RSF1: variants seen among roughly 807,000 people sequenced by gnomAD.
RSF1 encodes remodeling and spacing factor 1.
RSF1 carries 13 observed loss-of-function variants against 145.2 expected under a neutral mutation model. The observed-to-expected ratio is 0.09, with a 90% CI of 0.06 to 0.14. The LOEUF is 0.14. Among genes scored for constraint, RSF1 ranks in the 10% least tolerant of loss-of-function variants. RSF1 has a pLI of 1.00. For synonymous variants in RSF1, 577 were observed against 592.6 expected, an observed-to-expected ratio of 0.97 and a Z score of 0.38; for missense variants, 1,517 against 1,718.2, an observed-to-expected ratio of 0.88 and a Z score of 2.07.
At chr11:77,756,534 C>T (rs926340639) in intron 2 of RSF1, among the ~76,000 whole-genome samples, 1 of 151,910 alleles carries the variant, frequency 6.6e-6, no homozygotes, top group Non-Finnish European at 1.5e-5. Context: ...ACTATGTGGC[C>T]GGAACTAGAC....
chr11:77,664,000 T>C lies in RSF1; in HGVS notation c.*2917A>G, dbSNP rs992358040. 4 of 152,218 alleles carry C rather than the reference T, an allele frequency of 2.6e-5. No homozygotes were observed. Among genetic ancestry groups the C allele is most frequent in the Non-Finnish European group, 4.4e-5 (3 of 68,032 alleles). The allele number at this position is 152,218 out of a possible 1,614,324, so 9.4% of individuals were successfully genotyped here. A position where few individuals can be genotyped will look rare whatever the true frequency, so the allele number is the denominator to read the frequency against. On this transcript the variant is annotated 3_prime_UTR_variant, in exon 16 of 16. Transcript: ENST00000308488. ...TCCATGGTTAGTGCTCTAAAAAAGA[T>C]CCAAGACTGTCTAAACTCTACATCA...
At chr11:77,867,002 G>A in the RSF1 span, among the ~76,000 whole-genome samples, 14 of 151,770 alleles carry the variant, frequency 9.2e-5, no homozygotes, top group South Asian at 2.1e-4. Context: ...CACCACACCC[G>A]GCTAATTTTT....
At chr11:77,815,943 T>A (rs1001470476) in intron 1 of RSF1, among the ~76,000 whole-genome samples, 9 of 152,188 alleles carry the variant, frequency 5.9e-5, no homozygotes, top group Admixed American at 5.9e-4. Context: ...GTAAGCCAGT[T>A]TGCATTAACA....
chr11:77,766,579 G>A (rs1948228494), intron 1 of RSF1, among the ~76,000 whole-genome samples: 1 of 152,114 alleles, frequency 6.6e-6, no homozygotes. Context: ...ATTATGGGGG[G>A]TTAAGGGTGG....
At chr11:77,825,274 G>A (rs1325862438), upstream of RSF1, among the ~76,000 whole-genome samples, 1 of 151,798 alleles carries the variant, frequency 6.6e-6, no homozygotes, top group Non-Finnish European at 1.5e-5. Context: ...GAGCCACCAG[G>A]CCTGGCTGCT....
intron 2 of RSF1, among the ~76,000 whole-genome samples, chr11:77,748,858 T>G (rs771062182): frequency 2.6e-5 from 4 of 152,224 alleles, no homozygotes; most frequent in Non-Finnish European, 4.4e-5. Context: ...CAAAAACTTG[T>G]ATACAAATGT....
the RSF1 span, among the ~76,000 whole-genome samples, chr11:77,826,840 C>G: frequency 6.6e-6 from 1 of 152,230 alleles, no homozygotes; most frequent in African/African-American, 2.4e-5. Context: ...TGCAATGGCT[C>G]ATGCCTGTAA....
At chr11:77,810,036 T>C (rs1948715338) in intron 1 of RSF1, among the ~76,000 whole-genome samples, 1 of 152,236 alleles carries the variant, frequency 6.6e-6, no homozygotes, top group Non-Finnish European at 1.5e-5. Context: ...CAAAATACAC[T>C]GATGACCAAG....
chr11:77,688,989 T>C (rs1009608766), intron 9 of RSF1, among the ~76,000 whole-genome samples: 1 of 152,214 alleles, frequency 6.6e-6, no homozygotes, highest in African/African-American at 2.4e-5. Flanking sequence ...GACAAGCTGA[T>C]TGCCTTAAGG....
intron 14 of RSF1, 100 bp from the exon 15 acceptor site, chr11:77,672,330 T>C: frequency 2.2e-6 from 2 of 912,140 alleles, no homozygotes; most frequent in African/African-American, 1.7e-5. Flanking sequence ...AGTTCAGTCA[T>C]AAATATTTTT....
intron 2 of RSF1, among the ~76,000 whole-genome samples, chr11:77,761,828 A>ACTTTTTTT (rs370490355): frequency 5.0e-5 from 6 of 119,534 alleles, no homozygotes; most frequent in African/African-American, 1.7e-4. Flanking sequence ...CCATTCGGTG[A>ACTTTTTTT]TTTTTTTTTT....
chr11:77,846,993 C>T, the RSF1 span, among the ~76,000 whole-genome samples: 2 of 152,146 alleles, frequency 1.3e-5, no homozygotes, highest in Admixed American at 1.3e-4. Flanking sequence ...GCTTCCAAAA[C>T]TGGGCTGATA....
At chr11:77,767,887 CA>C (rs1053050856) in intron 1 of RSF1, among the ~76,000 whole-genome samples, 8 of 152,044 alleles carry the variant, frequency 5.3e-5, no homozygotes, top group Non-Finnish European at 1.2e-4. Flanking sequence ...AAAGCCAATA[CA>C]AGACAAAAAT....
intron 4 of RSF1, among the ~76,000 whole-genome samples, chr11:77,733,806 C>G (rs1160366391): frequency 1.3e-5 from 2 of 152,212 alleles, no homozygotes; most frequent in Non-Finnish European, 2.9e-5. Context: ...AAGCAAACTG[C>G]TCACCTGGGC....
chr11:77,755,859 TGAA>T (rs939657866), intron 2 of RSF1, among the ~76,000 whole-genome samples: 3 of 152,164 alleles, frequency 2.0e-5, no homozygotes, highest in African/African-American at 7.2e-5. Flanking sequence ...ATTACCGGTG[TGAA>T]GAAGAACTTA....
the RSF1 span, among the ~76,000 whole-genome samples, chr11:77,860,398 G>C: frequency 6.6e-6 from 1 of 152,222 alleles, no homozygotes; most frequent in Non-Finnish European, 1.5e-5. Flanking sequence ...TGTGGGCTGG[G>C]TACATTCCTC....
intron 15 of RSF1, among the ~76,000 whole-genome samples, chr11:77,671,236 A>G (rs1959540811): frequency 7.0e-6 from 1 of 143,238 alleles, no homozygotes; most frequent in Admixed American, 7.1e-5. Context: ...TTTAAGTAAA[A>G]CAAAAAAGAC....
At chr11:77,762,011 T>C (rs187713213) in intron 2 of RSF1, 1 of 121,738 alleles carries the variant, frequency 8.2e-6, no homozygotes, top group Non-Finnish European at 1.8e-5. Flanking sequence ...TTTTTTGTAT[T>C]ATTTTCTTTT....
chr11:77,817,488 ACC>A (rs1285022851), intron 1 of RSF1, among the ~76,000 whole-genome samples: 2 of 152,216 alleles, frequency 1.3e-5, no homozygotes, highest in African/African-American at 4.8e-5. Flanking sequence ...TCACCTGGCA[ACC>A]AGCAAATTTC....
Sources: allele counts gnomAD v4.1 joint callset (sites outside exome capture counted in the v4.1 genomes callset), GRCh38; gene constraint gnomAD v4.1.1; transcripts MANE v1.5; gene names NCBI Gene and HGNC (gene_info 2026-07-23, HGNC 2026-07-21).